The following ZMYND8 variants were observed in gnomAD, a reference collection of about 807,000 sequenced individuals.
The protein encoded by ZMYND8 is MYND-type zinc finger-containing chromatin reader ZMYND8.
Under a neutral mutation model 140.8 loss-of-function variants are expected in ZMYND8, and 37 were observed. The observed-to-expected ratio is 0.26, with a 90% CI of 0.20 to 0.35. The LOEUF is 0.35. ZMYND8 is among the 10% of genes least tolerant of loss of function. The pLI, the probability that ZMYND8 is intolerant of heterozygous loss-of-function variation, is 1.00. For synonymous variants in ZMYND8, 592 were observed against 597.1 expected, an observed-to-expected ratio of 0.99 and a Z score of 0.12; for missense variants, 1,068 against 1,570.0, an observed-to-expected ratio of 0.68 and a Z score of 5.40.
chr20:47,314,536 G>A (rs941043842), intron 2 of ZMYND8, among the ~76,000 whole-genome samples: 2 of 152,158 alleles, frequency 1.3e-5, no homozygotes, highest in Non-Finnish European at 2.9e-5. Flanking sequence ...CAAATTATCA[G>A]GCCCCACCCC....
At chr20:47,240,560 T>A (rs1187400096) in intron 14 of ZMYND8, among the ~76,000 whole-genome samples, 4 of 151,912 alleles carry the variant, frequency 2.6e-5, no homozygotes, top group Non-Finnish European at 5.9e-5. Flanking sequence ...TGAGTTTATT[T>A]TATTTATTTA....
Position 47,276,801 on chromosome 20 carries a change from A to G in ZMYND8, c.999-6T>C, listed in dbSNP as rs367957517. Reference sequence around the variant, plus strand: ...TATTTATTGGAACCCAGGCCCTAGAAGGGCAAAAGATAAAGAGAGTTTAAG... The same window carrying G: ...TATTTATTGGAACCCAGGCCCTAGAGGGGCAAAAGATAAAGAGAGTTTAAG... On this transcript the variant is annotated splice_region_variant and splice_polypyrimidine_tract_variant and intron_variant, in intron 10 of 22. Transcript: ENST00000471951. 1 of 1,590,876 alleles carries G rather than the reference A, an allele frequency of 6.3e-7. No homozygotes were observed. Among genetic ancestry groups the G allele is most frequent in the Non-Finnish European group, 8.5e-7 (1 of 1,171,052 alleles).
chr20:47,281,986 T>C lies in ZMYND8; in HGVS notation c.998+116A>G, dbSNP rs1405684281. Reference sequence around the variant, plus strand: ...TTTATTTCAACAACAAGATCAATGGTTGGTATCATGACAATAATGAGAATA... The same window carrying C: ...TTTATTTCAACAACAAGATCAATGGCTGGTATCATGACAATAATGAGAATA... On this transcript the variant is annotated intron_variant, in intron 10 of 22. Coordinates refer to ENST00000471951, the MANE Select transcript of ZMYND8 (RefSeq NM_001281775.3). 51 of 855,056 alleles carry C rather than the reference T, an allele frequency of 6.0e-5. No homozygotes were observed. The Admixed American group carries it at 1.4e-3, about 23-fold the overall frequency. The allele number at this position is 855,056 out of a possible 1,614,324, so 53.0% of individuals were successfully genotyped here. A position where few individuals can be genotyped will look rare whatever the true frequency, so the allele number is the denominator to read the frequency against.
At chr20:47,249,987 G>C (rs1419012227) in intron 12 of ZMYND8, among the ~76,000 whole-genome samples, 1 of 152,134 alleles carries the variant, frequency 6.6e-6, no homozygotes, top group Non-Finnish European at 1.5e-5. Context: ...ACTAGAAAGG[G>C]CAGGGAATAT....
intron 1 of ZMYND8, chr20:47,354,112 G>A (rs2083019812): frequency 1.3e-5 from 2 of 151,984 alleles, no homozygotes; most frequent in Admixed American, 1.3e-4. Flanking sequence ...ATGCTACTTT[G>A]AAAGCAATTA....
intron 12 of ZMYND8, among the ~76,000 whole-genome samples, chr20:47,255,753 T>C (rs2074629675): frequency 9.3e-6 from 1 of 107,662 alleles, no homozygotes; most frequent in South Asian, 2.6e-4. Flanking sequence ...TATATATATA[T>C]ATATATATAT....
At chr20:47,318,027 C>G (rs746260767) in intron 2 of ZMYND8, among the ~76,000 whole-genome samples, 2 of 152,094 alleles carry the variant, frequency 1.3e-5, no homozygotes, top group Non-Finnish European at 2.9e-5. Flanking sequence ...CACTCTTCCT[C>G]CTTTTCTTGC....
Position 47,310,349 on chromosome 20 carries a change from A to G in ZMYND8, c.86-145T>C. On this transcript the variant is annotated intron_variant, in intron 2 of 22. Transcript: ENST00000471951. ...GCCACTTCAGTGTTCCTCCTCCCAG[A>G]ATATACGTGCCCCCTTCTTCACTGT... 4 of 852,398 alleles carry G rather than the reference A, an allele frequency of 4.7e-6. No individual in the cohort carries two copies. In the South Asian group the frequency reaches 7.9e-5, roughly 17 times the overall value. The allele number at this position is 852,398 out of a possible 1,614,324, so 52.8% of individuals were successfully genotyped here.
intron 16 of ZMYND8, among the ~76,000 whole-genome samples, chr20:47,230,281 G>A (rs900012736): frequency 1.3e-5 from 2 of 151,424 alleles, no homozygotes; most frequent in African/African-American, 4.9e-5. Context: ...CCAGATGTGT[G>A]GTGTTTTTTT....
intron 2 of ZMYND8, among the ~76,000 whole-genome samples, chr20:47,316,638 C>A (rs758303879): frequency 6.6e-6 from 1 of 151,154 alleles, no homozygotes; most frequent in Non-Finnish European, 1.5e-5. Context: ...ACTAAAAATA[C>A]AAAAAAATTA....
In ZMYND8 at chr20:47,210,595, G is replaced by A. The variant is rs915532299; in HGVS notation, c.*166C>T. On this transcript the variant is annotated 3_prime_UTR_variant, in exon 23 of 23. Transcript: ENST00000471951. Reference sequence around the variant, plus strand: ...AGTCTGCAGTCAAAGCCGATGCTGGGTGTCCTGTAGTGTAGCAGCCCCCGC... The same window carrying A: ...AGTCTGCAGTCAAAGCCGATGCTGGATGTCCTGTAGTGTAGCAGCCCCCGC... 5.2e-6 allele frequency: 5 copies of A among 957,390 alleles called. No homozygotes were observed. In the African/African-American group the frequency reaches 8.2e-5, roughly 16 times the overall value. The allele number at this position is 957,390 out of a possible 1,614,324, so 59.3% of individuals were successfully genotyped here.
chr20:47,334,492 G>A (rs2081225108), intron 2 of ZMYND8, among the ~76,000 whole-genome samples: 1 of 151,934 alleles, frequency 6.6e-6, no homozygotes. Flanking sequence ...GCCAGGCACA[G>A]GGGTAACGGG....
chr20:47,215,480 A>G (rs914202653), intron 21 of ZMYND8, among the ~76,000 whole-genome samples: 3 of 151,970 alleles, frequency 2.0e-5, no homozygotes, highest in African/African-American at 4.8e-5. Context: ...GTGTGTAAAG[A>G]AAGGGAAATG....
chr20:47,347,808 C>T, intron 2 of ZMYND8, 48 bp downstream of exon 2: 1 of 1,594,762 alleles, frequency 6.3e-7, no homozygotes, highest in Non-Finnish European at 8.6e-7. Flanking sequence ...AAAGAAATTC[C>T]AATTTCCTCC....
At chr20:47,329,623 C>CA (rs1237108984) in intron 2 of ZMYND8, among the ~76,000 whole-genome samples, 4 of 152,096 alleles carry the variant, frequency 2.6e-5, no homozygotes, top group Non-Finnish European at 5.9e-5. Context: ...AGGCTGGTCT[C>CA]AAACTCCCAA....
At chr20:47,234,013 C>T (rs2038892354) in intron 16 of ZMYND8, among the ~76,000 whole-genome samples, 1 of 150,202 alleles carries the variant, frequency 6.7e-6, no homozygotes, top group Admixed American at 6.6e-5. Context: ...TGTGACTGGC[C>T]TAAGTAAGCC....
chr20:47,245,271 G>T (rs556330821), intron 14 of ZMYND8, among the ~76,000 whole-genome samples: 2 of 152,124 alleles, frequency 1.3e-5, no homozygotes, highest in South Asian at 4.2e-4. Context: ...TTTAGAGAGG[G>T]AGTCTTGCTC....
rs118177480 is a variant in ZMYND8 at position 47,344,822 on chromosome 20, T to C, written c.85+3034A>G. Among the ~76,000 whole-genome samples, 358 of 152,248 alleles carry C rather than the reference T, an allele frequency of 2.4e-3. 4 individuals are homozygous for C. The highest frequency in any genetic ancestry group is 0.011 in the East Asian group (57 of 5,188). On this transcript the variant is annotated intron_variant, in intron 2 of 22. Coordinates refer to ENST00000471951, the MANE Select transcript of ZMYND8 (RefSeq NM_001281775.3). Reference sequence around the variant, plus strand: ...TTAAAAGTTCATTTTAAAAATGTAATAGAAAATTGGCCAGGCATGGTGGCA... The same window carrying C: ...TTAAAAGTTCATTTTAAAAATGTAACAGAAAATTGGCCAGGCATGGTGGCA...
At chr20:47,276,816 G>GA in intron 10 of ZMYND8, 21 bp from the exon 11 acceptor site, 1 of 1,553,704 alleles carries the variant, frequency 6.4e-7, no homozygotes, top group Non-Finnish European at 8.7e-7. Context: ...AAAAGATAAA[G>GA]AGAGTTTAAG....
Sources: gnomAD v4.1 joint callset for allele counts (sites outside exome capture counted in the v4.1 genomes callset) on GRCh38, gnomAD v4.1.1 for gene constraint, MANE v1.5 for transcripts, NCBI Gene and HGNC (gene_info 2026-07-23, HGNC 2026-07-21) for gene names.